Variants in ZZEF1 observed in about 807,000 individuals in gnomAD.
ZZEF1 encodes zinc finger ZZ-type and EF-hand domain containing 1, also known as zinc finger ZZ-type and EF-hand domain-containing protein 1.
ZZEF1 carries 157 observed loss-of-function variants against 342.8 expected under a neutral mutation model. The observed-to-expected ratio is 0.46, with a 90% confidence interval of 0.40 to 0.52. The LOEUF is 0.52. ZZEF1 is among the 20% of genes least tolerant of loss of function. The pLI is 0.00. For missense variants in ZZEF1, 3,480 were observed against 3,725.6 expected, an observed-to-expected ratio of 0.93 and a Z score of 1.72; for synonymous variants, 1,505 against 1,429.1, an observed-to-expected ratio of 1.05 and a Z score of -1.20.
At position 4,062,831 on chromosome 17, in the gene ZZEF1, A is replaced by G. The variant is rs1567806023; in HGVS notation, c.4805T>C (p.Leu1602Pro). ...LKITQHCAES[L>P]GQPHCFHPPF... Reference sequence around the variant, plus strand: ...TGGATGGAAGCAGTGGGGCTGCCCAAGGGATTCTGCACAGTGCTGAGTTAT... The same window carrying G: ...TGGATGGAAGCAGTGGGGCTGCCCAGGGGATTCTGCACAGTGCTGAGTTAT... The change falls in exon 30 of 55, where the codon CTT becomes CCT. Residue 1602 changes from leucine (L) to proline (P), a missense_variant. Coordinates refer to ENST00000381638, the MANE Select transcript of ZZEF1 (RefSeq NM_015113.4). The G allele has an allele frequency of 6.2e-7, 1 of 1,613,550 alleles. No individual in the cohort carries two copies. The highest frequency in any genetic ancestry group is 8.5e-7 in the Non-Finnish European group (1 of 1,179,824).
chr17:4,034,295 G>A lies in ZZEF1; in HGVS notation c.6307-3C>T. The A allele has an allele frequency of 6.2e-7, 1 of 1,613,804 alleles. No individual in the cohort carries two copies. The highest frequency in any genetic ancestry group is 1.1e-5 in the South Asian group (1 of 91,084). On this transcript the variant is annotated splice_region_variant and splice_polypyrimidine_tract_variant and intron_variant, in intron 39 of 54. Coordinates refer to ENST00000381638, the MANE Select transcript of ZZEF1 (RefSeq NM_015113.4). Reference sequence around the variant, plus strand: ...TCTATCAGGGGAACCGTGGGGCCCTGCCAAGAGAGGGAGAGAAATCTGTTC... The same window carrying A: ...TCTATCAGGGGAACCGTGGGGCCCTACCAAGAGAGGGAGAGAAATCTGTTC...
At chr17:4,091,963 C>T (rs980896429) in intron 11 of ZZEF1, among the ~76,000 whole-genome samples, 40 of 151,562 alleles carry the variant, frequency 2.6e-4, no homozygotes, top group African/African-American at 9.2e-4. Context: ...GTAATCCCAG[C>T]TACTCGGGAG....
rs1473971719 is a variant in ZZEF1 at position 4,014,100 on chromosome 17, C to A, written c.8403G>T (p.Arg2801=). 1.2e-6 allele frequency: 2 copies of A among 1,613,982 alleles called. No individual in the cohort carries two copies. The highest frequency in any genetic ancestry group is 1.3e-5 in the African/African-American group (1 of 74,898). Residue 2801 remains arginine (R), a synonymous_variant, in exon 51 of 55, where the codon CGG becomes CGT. Coordinates refer to ENST00000381638, the MANE Select transcript of ZZEF1 (RefSeq NM_015113.4). This position sits in a 1 kb window ranked among gnomAD's most constrained non-coding sequence, Gnocchi z 4.4. ...GCCCAGAGCACACACCTGTCTGGAA[C>A]CGCCCCAGGTGTCCGGCCGTCACGG... ...RFTVTAGHLG[R]FQTGFEILKQ...
chr17:4,049,587 GT>G, intron 37 of ZZEF1, 120 bp downstream of exon 37: 1 of 1,145,006 alleles, frequency 8.7e-7, no homozygotes, highest in Non-Finnish European at 1.2e-6. Context: ...GAGCAGGCAT[GT>G]GAATCCAGCA....
At chr17:4,007,864 G>T (rs777089656) in intron 54 of ZZEF1, among the ~76,000 whole-genome samples, 1 of 152,042 alleles carries the variant, frequency 6.6e-6, no homozygotes, top group Non-Finnish European at 1.5e-5. Flanking sequence ...GGGACAGAGC[G>T]CCGCGCTCAG....
Position 4,023,723 on chromosome 17 carries a change from T to C in ZZEF1, c.7093-895A>G, listed in dbSNP as rs1214701118. Among the ~76,000 whole-genome samples, 4 of 151,500 alleles carry C rather than the reference T, an allele frequency of 2.6e-5. No individual in the cohort carries two copies. The East Asian group carries it at 7.7e-4, about 29-fold the overall frequency. On this transcript the variant is annotated intron_variant, in intron 43 of 54. Transcript: ENST00000381638. Reference sequence around the variant, plus strand: ...CATGCCTGTGGTTAGTCCCAGCTACTTGGGAGGCTGAGGCAAGAGGACCCC... The same window carrying C: ...CATGCCTGTGGTTAGTCCCAGCTACCTGGGAGGCTGAGGCAAGAGGACCCC...
intron 11 of ZZEF1, among the ~76,000 whole-genome samples, chr17:4,092,270 A>C (rs909339110): frequency 6.7e-6 from 1 of 148,622 alleles, no homozygotes; most frequent in Non-Finnish European, 1.5e-5. Context: ...AATCCCGAGT[A>C]GGTTCTGTAA....
At chr17:4,070,210 C>G (rs146437601) in intron 26 of ZZEF1, among the ~76,000 whole-genome samples, 2 of 152,220 alleles carry the variant, frequency 1.3e-5, no homozygotes, top group Non-Finnish European at 2.9e-5. Flanking sequence ...CTACAGCTTC[C>G]TCCTTGGTTA....
intron 33 of ZZEF1, among the ~76,000 whole-genome samples, chr17:4,055,163 C>T (rs920760692): frequency 3.3e-5 from 5 of 152,104 alleles, no homozygotes; most frequent in African/African-American, 1.2e-4. Flanking sequence ...CTCTTTAGGG[C>T]CTGGAAATGA....
chr17:4,075,235 T>G, intron 22 of ZZEF1, 28 bp downstream of exon 22: 1 of 1,613,696 alleles, frequency 6.2e-7, no homozygotes, highest in Non-Finnish European at 8.5e-7. Flanking sequence ...TATTAGCGCT[T>G]GGGGGTGAAA....
intron 9 of ZZEF1, 58 bp downstream of exon 9, chr17:4,102,259 T>C: frequency 6.7e-7 from 1 of 1,482,164 alleles, no homozygotes; most frequent in Non-Finnish European, 9.4e-7. Context: ...GAGTGTGCTT[T>C]CACACAGCTG....
chr17:4,126,193 C>T (rs986644120), intron 1 of ZZEF1, among the ~76,000 whole-genome samples: 1 of 143,774 alleles, frequency 7.0e-6, no homozygotes, highest in African/African-American at 2.6e-5. Flanking sequence ...CACTGCACTC[C>T]AGCCTGGGTG....
At position 4,017,938 on chromosome 17, in the gene ZZEF1, C is replaced by G. The variant is rs757849429; in HGVS notation, c.7539G>C (p.Arg2513Ser). ...GCCACCGCTGAGCCAGGGACCGTAT[C>G]CTTTCATCTGTGGTGAGCTCATCAC... ...FDGDELTTDE[R>S]IRSLAQRWQP... Residue 2513 changes from arginine to serine, a missense_variant, in exon 47 of 55, where the codon AGG becomes AGC. Around this residue, in one of 5 missense-constraint regions of ZZEF1, gnomAD observed 1,269 missense variants for 1,342.4 expected, o/e 0.95. Transcript: ENST00000381638. This position sits in a 1 kb window ranked among gnomAD's most constrained non-coding sequence, Gnocchi z 5.1. 8.7e-6 allele frequency: 14 copies of G among 1,613,928 alleles called. No individual in the cohort carries two copies. In the Admixed American group the frequency reaches 2.2e-4, roughly 25 times the overall value.
chr17:4,059,307 T>C lies in ZZEF1; in HGVS notation c.4884-17A>G, dbSNP rs2057235569. ...CCAAAATAACTAGAAACAGAGGAAA[T>C]CACTGATTCACTTAATTGCCAGAAC... On this transcript the variant is annotated splice_polypyrimidine_tract_variant and intron_variant, in intron 30 of 54. Coordinates refer to ENST00000381638, the MANE Select transcript of ZZEF1 (RefSeq NM_015113.4). 1 of 1,588,456 alleles carries C rather than the reference T, an allele frequency of 6.3e-7. No homozygotes were observed.
chr17:4,004,619 GA>G lies in ZZEF1; in HGVS notation c.*2270del, dbSNP rs2055764257. The G allele has an allele frequency of 6.6e-6, 1 of 152,556 alleles. No homozygotes were observed. Among genetic ancestry groups the G allele is most frequent in the Non-Finnish European group, 1.5e-5 (1 of 68,040 alleles). 9.5% of individuals were successfully genotyped at this position (152,556 alleles called of 1,614,324 possible). On this transcript the variant is annotated 3_prime_UTR_variant, in exon 55 of 55. Coordinates refer to ENST00000381638, the MANE Select transcript of ZZEF1 (RefSeq NM_015113.4). ...CGTAAGAAAACAAATTAAAAACGGT[GA>G]TGAAAATACGTCACTCCTCTCGTTA... is the stretch of plus-strand genomic sequence containing the variant.
intron 24 of ZZEF1, among the ~76,000 whole-genome samples, chr17:4,073,703 G>C (rs2057553835): frequency 6.6e-6 from 1 of 152,144 alleles, no homozygotes; most frequent in African/African-American, 2.4e-5. Flanking sequence ...GCCTCCTAAA[G>C]TGCTGGGATT....
In ZZEF1 at chr17:4,050,658, G is replaced by GC. The variant is rs1402453662; in HGVS notation, c.5863+122dup. On this transcript the variant is annotated intron_variant, in intron 36 of 54. Transcript: ENST00000381638. ...AAAATTAAGTTCCACACCAGGGTAA[G>GC]CCCCTTTTGTGGAAAAGTGGATGTT... is the stretch of plus-strand genomic sequence containing the variant. 4 of 1,387,530 alleles carry GC rather than the reference G, an allele frequency of 2.9e-6. No individual in the cohort carries two copies. The East Asian group carries it at 9.3e-5, about 32-fold the overall frequency. 86.0% of individuals were successfully genotyped at this position (1,387,530 alleles called of 1,614,324 possible).
At chr17:4,064,068 G>C (rs558271081) in intron 29 of ZZEF1, among the ~76,000 whole-genome samples, 1 of 151,410 alleles carries the variant, frequency 6.6e-6, no homozygotes, top group Non-Finnish European at 1.5e-5. Flanking sequence ...GATGGAGGGG[G>C]GGGGGTCTCA....
Position 4,116,999 on chromosome 17 carries a change from G to T in ZZEF1, c.667C>A (p.Leu223Met). ...TTTTCCTTTTGTACCAGCTGATCCA[G>T]AGACTCCTTCAGGACGGAAGACCGC... Reference protein sequence around the residue: ...TMRSSVLKESLDQLVQKEKES... With the variant: ...TMRSSVLKESMDQLVQKEKES... The change falls in exon 3 of 55, where the codon CTG becomes ATG. Residue 223 changes from leucine to methionine, a missense_variant. Transcript: ENST00000381638. 6.2e-7 allele frequency: 1 copy of T among 1,611,748 alleles called. No individual in the cohort carries two copies. Among genetic ancestry groups the T allele is most frequent in the South Asian group, 1.1e-5 (1 of 90,868 alleles).
Sources: allele counts gnomAD v4.1 joint callset (sites outside exome capture counted in the v4.1 genomes callset), GRCh38; gene constraint gnomAD v4.1.1; regional missense constraint gnomAD v4.1.1; non-coding constraint Gnocchi (gnomAD v3.1); transcripts MANE v1.5; gene names NCBI Gene and HGNC (gene_info 2026-07-23, HGNC 2026-07-21).